The following NCOR2 variants were observed in gnomAD, a reference collection of about 807,000 sequenced individuals.
NCOR2 encodes the protein CTG repeat protein 26.
In NCOR2, 81 loss-of-function variants were observed where a neutral mutation model predicts 262.9. The ratio of observed to expected loss-of-function variants is 0.31; its 90% CI spans 0.26 to 0.37. The LOEUF (loss-of-function observed/expected upper bound fraction) is 0.37, where lower values mean the gene tolerates loss of function less well. NCOR2 is among the 10% of genes least tolerant of loss of function. The pLI, the probability that NCOR2 is intolerant of heterozygous loss-of-function variation, is 1.00. For synonymous variants in NCOR2, 1,659 were observed against 1,559.3 expected (o/e 1.06, Z -1.51); for missense variants, 3,385 against 3,621.4 (o/e 0.93, Z 1.68).
chr12:124,330,754 G>A, intron 44 of NCOR2, 91 bp downstream of exon 46: 4 of 1,402,760 alleles, frequency 2.9e-6, no homozygotes, highest in Non-Finnish European at 3.9e-6. Flanking sequence ...GACTAGCGAA[G>A]GCTCCTCGTC....
intron 31 of NCOR2, among the ~76,000 whole-genome samples, chr12:124,345,283 T>C (rs1033482196): frequency 1.3e-5 from 2 of 152,100 alleles, no homozygotes; most frequent in Non-Finnish European, 2.9e-5. Flanking sequence ...AACACCCTCA[T>C]GTGGGTAAAA....
At chr12:124,333,895 TGCGCGC>T (rs879770164) in intron 41 of NCOR2, among the ~76,000 whole-genome samples, 9 of 62,498 alleles carry the variant, frequency 1.4e-4, no homozygotes, top group African/African-American at 2.2e-4. Flanking sequence ...CATGTGTGTG[TGCGCGC>T]GCATGTGTGC....
At chr12:124,565,474 G>T (rs2052207631) in intron 1 of NCOR2, among the ~76,000 whole-genome samples, 2 of 152,240 alleles carry the variant, frequency 1.3e-5, no homozygotes, top group Admixed American at 6.5e-5. Flanking sequence ...ATGGGCGGGG[G>T]CACCTGCCCT....
intron 1 of NCOR2, among the ~76,000 whole-genome samples, chr12:124,508,077 G>A (rs1448557735): frequency 1.3e-5 from 2 of 152,174 alleles, no homozygotes; most frequent in East Asian, 1.9e-4. Context: ...AGCGTCCAGG[G>A]CGACAGAGCC....
At chr12:124,428,043 C>CTGTGTGTGTGTGTGTG (rs1491282996) in intron 10 of NCOR2, among the ~76,000 whole-genome samples, 2 of 41,062 alleles carry the variant, frequency 4.9e-5, no homozygotes, top group East Asian at 8.6e-4. Context: ...CCCATGTGGC[C>CTGTGTGTGTGTGTGTG]AGTGTGTGTG....
At chr12:124,359,867 A>G (rs28594683) in intron 22 of NCOR2, among the ~76,000 whole-genome samples, 2,247 of 152,322 alleles carry the variant, frequency 0.015, 68 homozygotes, top group African/African-American at 0.051. Flanking sequence ...GAGACCAGAG[A>G]GGTAGCGCTG....
intron 17 of NCOR2, among the ~76,000 whole-genome samples, chr12:124,381,778 C>A (rs1269481): frequency 0.32 from 48,158 of 152,050 alleles, 8,306 homozygotes; most frequent in East Asian, 0.65. Context: ...AAGGCTGAGG[C>A]GGACAGAGAC....
intron 13 of NCOR2, among the ~76,000 whole-genome samples, chr12:124,419,732 C>A (rs1274764600): frequency 1.3e-5 from 2 of 152,258 alleles, no homozygotes; most frequent in Non-Finnish European, 2.9e-5. Context: ...TTCCTGGCCA[C>A]TACGGGAGGC....
At chr12:124,487,014 C>A (rs560572853) in intron 1 of NCOR2, among the ~76,000 whole-genome samples, 2 of 152,222 alleles carry the variant, frequency 1.3e-5, no homozygotes, top group Non-Finnish European at 2.9e-5. Context: ...CCCATCCTAC[C>A]CCTGCCAGGC....
At chr12:124,342,605 T>C (rs2036547156) in intron 33 of NCOR2, among the ~76,000 whole-genome samples, 1 of 152,180 alleles carries the variant, frequency 6.6e-6, no homozygotes, top group Non-Finnish European at 1.5e-5. Flanking sequence ...CCTGACCTTG[T>C]GATCCGCCTG....
At chr12:124,380,789 C>T (rs1027887208) in intron 17 of NCOR2, among the ~76,000 whole-genome samples, 6 of 151,876 alleles carry the variant, frequency 4.0e-5, no homozygotes, top group African/African-American at 1.5e-4. Flanking sequence ...CTGCGGGGGG[C>T]GGCGTGGGGT....
chr12:124,432,989 G>T lies in NCOR2; in HGVS notation c.883-2202C>A, dbSNP rs1381891044. Among the ~76,000 whole-genome samples the T allele has an allele frequency of 6.6e-6, 1 of 152,106 alleles. No individual in the cohort carries two copies. Among genetic ancestry groups the T allele is most frequent in the Non-Finnish European group, 1.5e-5 (1 of 67,994 alleles). On this transcript the variant is annotated intron_variant, in intron 8 of 46. Coordinates refer to ENST00000405201, the Ensembl canonical transcript of NCOR2. This position sits in a 1 kb window ranked among gnomAD's most constrained non-coding sequence, Gnocchi z 5.1. ...GGGAGCCTCCACAAACACCCACTTG[G>T]TGCTTCGGTACAGTCAGAAAGCCCC...
At chr12:124,342,812 A>G (rs1566369039) in intron 33 of NCOR2, among the ~76,000 whole-genome samples, 193 bp downstream of exon 35, 1 of 152,246 alleles carries the variant, frequency 6.6e-6, no homozygotes, top group Non-Finnish European at 1.5e-5. Flanking sequence ...CATGTCCTGC[A>G]AACTACTAAG....
At chr12:124,362,144 G>T in exon 22 of NCOR2, 1 of 1,302,716 alleles carries the variant, frequency 7.7e-7, no homozygotes, top group Admixed American at 2.9e-5. Context: ...TCGGCGGGGG[G>T]TGCCGGGCTC....
chr12:124,326,181 T>C lies in NCOR2; in HGVS notation c.7363+10A>G, dbSNP rs771189343. On this transcript the variant is annotated intron_variant, in intron 46 of 46. Transcript: ENST00000405201. ...CAGCGAGCCCAGCCCTGTCCCCACC[T>C]GGTGCCCACCTGCGGACGAGGGCCT... is the stretch of plus-strand genomic sequence containing the variant. 1.3e-6 allele frequency: 2 copies of C among 1,513,550 alleles called. No homozygotes were observed. Among genetic ancestry groups the C allele is most frequent in the Admixed American group, 4.2e-5 (2 of 47,464 alleles). The allele number at this position is 1,513,550 out of a possible 1,614,324, so 93.8% of individuals were successfully genotyped here. A position where few individuals can be genotyped will look rare whatever the true frequency, so the allele number is the denominator to read the frequency against.
intron 8 of NCOR2, among the ~76,000 whole-genome samples, chr12:124,431,860 G>C (rs1474637135): frequency 1.3e-5 from 2 of 150,746 alleles, no homozygotes; most frequent in African/African-American, 4.9e-5. Context: ...CATATAGGCA[G>C]ATACACAGAG....
At chr12:124,555,672 C>T (rs2051858721) in intron 1 of NCOR2, among the ~76,000 whole-genome samples, 1 of 152,208 alleles carries the variant, frequency 6.6e-6, no homozygotes, top group Admixed American at 6.5e-5. Flanking sequence ...GCAGACAAGT[C>T]TTGCTGGCCC....
intron 8 of NCOR2, 101 bp from the exon 11 acceptor site, chr12:124,430,888 GCA>G (rs1565936926): frequency 2.2e-6 from 3 of 1,387,806 alleles, no homozygotes. Context: ...AGGTGCGTGC[GCA>G]CACACACAAA....
rs1340909956 is a variant in NCOR2, at chr12:124,432,043, A to G, written c.883-1256T>C. Among the ~76,000 whole-genome samples, 1 of 151,794 alleles carries G rather than the reference A, an allele frequency of 6.6e-6. No homozygotes were observed. Among genetic ancestry groups the G allele is most frequent in the Non-Finnish European group, 1.5e-5 (1 of 67,898 alleles). On this transcript the variant is annotated intron_variant, in intron 8 of 46. Transcript: ENST00000405201. This position sits in a 1 kb window ranked among gnomAD's most constrained non-coding sequence, Gnocchi z 5.1. ...CAGACACACACACAGTCCATCACAC[A>G]GGCAGGCAGGCAGACACACAGGCGG... is the stretch of plus-strand genomic sequence containing the variant.
Sources: gnomAD v4.1 joint callset for allele counts (sites outside exome capture counted in the v4.1 genomes callset) on GRCh38, gnomAD v4.1.1 for gene constraint, Gnocchi (gnomAD v3.1) non-coding constraint, MANE v1.5 for transcripts, NCBI Gene and HGNC (gene_info 2026-07-23, HGNC 2026-07-21) for gene names.